The following TRAPPC9 variants were observed in gnomAD, a reference collection of about 807,000 sequenced individuals.
The protein encoded by TRAPPC9 is trafficking protein particle complex subunit 9.
Under a neutral mutation model 124.0 loss-of-function variants are expected in TRAPPC9, and 83 were observed. That is an observed-to-expected ratio of 0.67 (90% CI 0.56 to 0.80). TRAPPC9 has a LOEUF of 0.80. TRAPPC9 is among the 30% of genes least tolerant of loss of function. The pLI is 0.00. For missense variants in TRAPPC9, 1,302 were observed against 1,508.3 expected (o/e 0.86, Z 2.27); for synonymous variants, 638 against 617.5 (o/e 1.03, Z -0.49).
At chr8:140,262,923 T>A (rs1233885432) in intron 15 of TRAPPC9, among the ~76,000 whole-genome samples, 1 of 152,100 alleles carries the variant, frequency 6.6e-6, no homozygotes, top group Non-Finnish European at 1.5e-5. Flanking sequence ...GAACTGCAAA[T>A]GAGGGACAGA....
chr8:140,154,124 C>T (rs1391874121), intron 17 of TRAPPC9, among the ~76,000 whole-genome samples: 1 of 152,204 alleles, frequency 6.6e-6, no homozygotes, highest in African/African-American at 2.4e-5. Context: ...ATGATCGCCT[C>T]TACCTTACCT....
At chr8:140,294,304 C>T (rs2065745253) in intron 11 of TRAPPC9, among the ~76,000 whole-genome samples, 2 of 152,122 alleles carry the variant, frequency 1.3e-5, no homozygotes, top group Non-Finnish European at 2.9e-5. Context: ...GTGGCCAGAG[C>T]ACAACATGCT....
At chr8:140,441,912 T>C (rs910720757) in intron 2 of TRAPPC9, among the ~76,000 whole-genome samples, 12 of 152,232 alleles carry the variant, frequency 7.9e-5, no homozygotes, top group African/African-American at 2.9e-4. Flanking sequence ...CTCCCACCTG[T>C]AGTCCCAGCT....
intron 2 of TRAPPC9, among the ~76,000 whole-genome samples, chr8:140,449,563 C>G (rs935319881): frequency 1.3e-5 from 2 of 152,212 alleles, no homozygotes; most frequent in African/African-American, 4.8e-5. Flanking sequence ...GGGAAGCTGA[C>G]CTTTTCCTGC....
intron 21 of TRAPPC9, among the ~76,000 whole-genome samples, chr8:139,883,016 G>A (rs139489834): frequency 6.6e-6 from 1 of 152,360 alleles, no homozygotes; most frequent in Non-Finnish European, 1.5e-5. Context: ...AATCCCCAGT[G>A]TGGCAGTGTT....
At chr8:140,012,018 A>G (rs987106425) in intron 18 of TRAPPC9, among the ~76,000 whole-genome samples, 16 of 152,080 alleles carry the variant, frequency 1.1e-4, no homozygotes, top group Middle Eastern at 3.4e-3. Context: ...CACTATGTTG[A>G]CCAGGATGAT....
chr8:139,791,314 C>A (rs1210030405), intron 21 of TRAPPC9, among the ~76,000 whole-genome samples: 4 of 143,698 alleles, frequency 2.8e-5, no homozygotes, highest in African/African-American at 5.0e-5. Context: ...AGGCGCCCGT[C>A]TCCCCTGCAC....
intron 21 of TRAPPC9, among the ~76,000 whole-genome samples, chr8:139,847,973 C>T (rs766017635): frequency 6.6e-6 from 1 of 152,236 alleles, no homozygotes; most frequent in Non-Finnish European, 1.5e-5. Flanking sequence ...CCCTGGGGCA[C>T]GTGGGGCCTG....
Position 140,252,700 on chromosome 8 carries a change from G to GC in TRAPPC9, c.2431+76dup. The GC allele has an allele frequency of 6.5e-7, 1 of 1,542,612 alleles. No homozygotes were observed. Among genetic ancestry groups the GC allele is most frequent in the South Asian group, 1.1e-5 (1 of 89,392 alleles). On this transcript the variant is annotated intron_variant, in intron 16 of 22. Coordinates refer to ENST00000438773, the MANE Select transcript of TRAPPC9 (RefSeq NM_001160372.4). This position sits in a 1 kb window ranked among gnomAD's most constrained non-coding sequence, Gnocchi z 4.2. ...ACAAGTGAGTTACAAACAGCAAACA[G>GC]CAGGCATCAAGGGATGGGGGTTGCT...
At chr8:140,312,462 T>A (rs1563937060) in intron 9 of TRAPPC9, among the ~76,000 whole-genome samples, 1 of 152,138 alleles carries the variant, frequency 6.6e-6, no homozygotes, top group Non-Finnish European at 1.5e-5. Flanking sequence ...AGTGCCTATA[T>A]CAGGAATTAC....
At chr8:139,909,923 A>C (rs1397378311) in intron 20 of TRAPPC9, among the ~76,000 whole-genome samples, 3 of 152,226 alleles carry the variant, frequency 2.0e-5, no homozygotes, top group African/African-American at 7.2e-5. Flanking sequence ...ACCGGCTCCG[A>C]GAAGACCTTT....
intron 21 of TRAPPC9, among the ~76,000 whole-genome samples, chr8:139,764,433 A>G (rs1192708812): frequency 6.6e-6 from 1 of 152,212 alleles, no homozygotes; most frequent in Non-Finnish European, 1.5e-5. Context: ...GCTGTGTCCC[A>G]GAGGGATCAC....
chr8:140,419,941 G>C (rs937326962), intron 5 of TRAPPC9, among the ~76,000 whole-genome samples: 9 of 151,776 alleles, frequency 5.9e-5, no homozygotes, highest in African/African-American at 2.2e-4. Context: ...ACATGATCCT[G>C]CCTCTAGAAA....
chr8:139,765,191 G>A (rs1218351551), intron 21 of TRAPPC9, among the ~76,000 whole-genome samples: 8 of 152,188 alleles, frequency 5.3e-5, no homozygotes, highest in South Asian at 2.1e-4. Flanking sequence ...CAGTTGGTTC[G>A]TTTGTTCTCC....
chr8:140,323,419 G>C (rs1156860540), intron 9 of TRAPPC9, among the ~76,000 whole-genome samples: 1 of 152,142 alleles, frequency 6.6e-6, no homozygotes, highest in Non-Finnish European at 1.5e-5. Context: ...ATCAGAAACA[G>C]AGGTCATAAC....
chr8:140,068,682 G>A (rs1343448486), intron 17 of TRAPPC9, among the ~76,000 whole-genome samples: 1 of 152,146 alleles, frequency 6.6e-6, no homozygotes, highest in Non-Finnish European at 1.5e-5. Flanking sequence ...TCATCCATTT[G>A]TATTTTGCAG....
chr8:140,290,936 C>T, intron 12 of TRAPPC9, 57 bp downstream of exon 12: 1 of 1,413,998 alleles, frequency 7.1e-7, no homozygotes, highest in Non-Finnish European at 1.0e-6. Flanking sequence ...GTAAAACCTA[C>T]TTTAATGAGA....
At chr8:139,986,080 T>G (rs996035902) in intron 19 of TRAPPC9, among the ~76,000 whole-genome samples, 1 of 151,984 alleles carries the variant, frequency 6.6e-6, no homozygotes, top group African/African-American at 2.4e-5. Flanking sequence ...CCATCTCTAC[T>G]AAAAATACAA....
At chr8:140,021,029 T>C (rs989210177) in intron 18 of TRAPPC9, among the ~76,000 whole-genome samples, 3 of 152,252 alleles carry the variant, frequency 2.0e-5, no homozygotes, top group East Asian at 1.9e-4. Context: ...AAAAAGGTAG[T>C]TGGCATCTTA....
Sources: gnomAD v4.1 joint callset for allele counts (sites outside exome capture counted in the v4.1 genomes callset) on GRCh38, gnomAD v4.1.1 for gene constraint, Gnocchi (gnomAD v3.1) non-coding constraint, MANE v1.5 for transcripts, NCBI Gene and HGNC (gene_info 2026-07-23, HGNC 2026-07-21) for gene names.